VRK3: variants seen among roughly 807,000 people sequenced by gnomAD.
VRK3 encodes VRK serine/threonine kinase 3, also known as serine/threonine-protein kinase VRK3.
A neutral mutation model predicts 60.4 loss-of-function variants in VRK3; 50 were observed. The observed-to-expected ratio is 0.83, with a 90% CI of 0.66 to 1.05. VRK3 has a LOEUF of 1.05. Among genes scored for constraint, VRK3 ranks in the 50% least tolerant of loss-of-function variants. The pLI, the probability that VRK3 is intolerant of heterozygous loss-of-function variation, is 0.00. For synonymous variants in VRK3, 246 were observed against 227.8 expected (o/e 1.08, Z -0.72); for missense variants, 549 against 585.3 (o/e 0.94, Z 0.64).
At chr19:50,021,979 G>A (rs969710814) in intron 1 of VRK3, among the ~76,000 whole-genome samples, 5 of 151,984 alleles carry the variant, frequency 3.3e-5, no homozygotes, top group African/African-American at 9.7e-5. Flanking sequence ...CCTCTTAAGC[G>A]GCGAGCCAGA....
intron 12 of VRK3, among the ~76,000 whole-genome samples, chr19:49,985,495 CA>C (rs760842567): frequency 4.6e-5 from 7 of 152,154 alleles, no homozygotes; most frequent in Non-Finnish European, 1.0e-4. Flanking sequence ...CATGGTCCTT[CA>C]GGGGGCATTT....
chr19:49,988,638 CTCAT>C lies in VRK3; in HGVS notation c.1097-150_1097-147del, dbSNP rs2076559092. 8 of 1,135,512 alleles carry C rather than the reference CTCAT, an allele frequency of 7.0e-6. No individual in the cohort carries two copies. The Admixed American group carries it at 2.4e-4, about 33-fold the overall frequency. The allele number at this position is 1,135,512 out of a possible 1,614,324, so 70.3% of individuals were successfully genotyped here. Reference sequence around the variant, plus strand: ...CCAGCCATATGGGCTGTCTCCTCCGCTCATTCACTTTCATGAGTAGGCAGAAGCT... The same window carrying C: ...CCAGCCATATGGGCTGTCTCCTCCGCTCACTTTCATGAGTAGGCAGAAGCT... On this transcript the variant is annotated intron_variant, in intron 11 of 14. Transcript: ENST00000316763.
rs2076620574 is a variant in VRK3, at chr19:49,992,033, T to G, written c.963+827A>C. On this transcript the variant is annotated intron_variant, in intron 10 of 14. Transcript: ENST00000316763. The stretch of plus-strand genomic sequence containing the variant: ...ATTACAATCAGTGTTGCCAGGAACA[T>G]CTTGTACACTTATCTTTGAACAATC... 2.0e-5 allele frequency among the ~76,000 whole-genome samples: 3 copies of G among 152,258 alleles called. No homozygotes were observed. The South Asian group carries it at 6.2e-4, about 31-fold the overall frequency.
intron 13 of VRK3, among the ~76,000 whole-genome samples, chr19:49,979,970 A>G (rs2076395865): frequency 6.6e-6 from 1 of 152,126 alleles, no homozygotes; most frequent in South Asian, 2.1e-4. Flanking sequence ...GAATGGCTTG[A>G]ACCCGGGAGG....
At chr19:49,982,713 T>C (rs2076444126) in intron 12 of VRK3, among the ~76,000 whole-genome samples, 1 of 152,212 alleles carries the variant, frequency 6.6e-6, no homozygotes. Context: ...AATTCACACA[T>C]ATGGACTCTG....
intron 8 of VRK3, 69 bp downstream of exon 8, chr19:49,995,122 A>G (rs2076678953): frequency 6.5e-7 from 1 of 1,537,322 alleles, no homozygotes; most frequent in African/African-American, 1.4e-5. Flanking sequence ...GGTCCCAGCC[A>G]TGCCTGGAGT....
intron 3 of VRK3, among the ~76,000 whole-genome samples, chr19:50,013,419 A>G (rs946521856): frequency 4.6e-5 from 7 of 152,196 alleles, no homozygotes; most frequent in Non-Finnish European, 1.0e-4. Flanking sequence ...TGCTCTACAT[A>G]CTTGCCAGTG....
At chr19:49,993,827 C>CG (rs757752984) in intron 9 of VRK3, among the ~76,000 whole-genome samples, 2 of 152,154 alleles carry the variant, frequency 1.3e-5, no homozygotes, top group East Asian at 1.9e-4. Context: ...TCTCCACCCC[C>CG]GGGGCCCGGG....
At chr19:50,022,116 T>C (rs1802014784) in intron 1 of VRK3, among the ~76,000 whole-genome samples, 1 of 152,162 alleles carries the variant, frequency 6.6e-6, no homozygotes, top group Non-Finnish European at 1.5e-5. Context: ...TCCACTCACC[T>C]AGAAAACAGT....
intron 4 of VRK3, among the ~76,000 whole-genome samples, chr19:50,008,239 C>T (rs975579093): frequency 3.3e-5 from 5 of 152,090 alleles, no homozygotes; most frequent in African/African-American, 9.7e-5. Flanking sequence ...TAGACATTTA[C>T]CCAAAAACAT....
chr19:49,992,727 T>C (rs1197615311), intron 10 of VRK3, 133 bp downstream of exon 10: 5 of 749,376 alleles, frequency 6.7e-6, no homozygotes, highest in Non-Finnish European at 1.1e-5. Flanking sequence ...CTTATTTATT[T>C]GAAGGAGCTC....
chr19:49,981,238 T>C, intron 12 of VRK3: 1 of 572,740 alleles, frequency 1.7e-6, no homozygotes, highest in South Asian at 2.0e-5. Flanking sequence ...GGCCACACGA[T>C]TTTCCCCGAT....
chr19:50,009,974 G>GATT (rs1441951149), intron 3 of VRK3, among the ~76,000 whole-genome samples: 2 of 151,868 alleles, frequency 1.3e-5, no homozygotes, highest in African/African-American at 2.4e-5. Context: ...CTATCTTCCA[G>GATT]TTAACTAATT....
intron 2 of VRK3, among the ~76,000 whole-genome samples, chr19:50,017,308 C>T (rs2077094541): frequency 6.6e-6 from 1 of 152,042 alleles, no homozygotes; most frequent in Admixed American, 6.6e-5. Flanking sequence ...GGCACGGTGG[C>T]TCGTGCCTGT....
chr19:49,987,685 C>G (rs1024301710), intron 12 of VRK3: 1 of 151,482 alleles, frequency 6.6e-6, no homozygotes, highest in Non-Finnish European at 1.5e-5. Flanking sequence ...GTCATAGTTT[C>G]CCACACACAA....
intron 5 of VRK3, among the ~76,000 whole-genome samples, chr19:50,004,052 A>T (rs1357776035): frequency 6.6e-6 from 1 of 152,206 alleles, no homozygotes; most frequent in African/African-American, 2.4e-5. Context: ...AAATAAATAA[A>T]TAAAGGGACT....
At chr19:50,019,674 C>CTTTTTTTTTTTTTTTTTTTTTTTTTTT (rs568877003) in intron 2 of VRK3, among the ~76,000 whole-genome samples, 1 of 44,976 alleles carries the variant, frequency 2.2e-5, no homozygotes, top group African/African-American at 6.8e-5. Context: ...CATGCCTGGC[C>CTTTTTTTTTTTTTTTTTTTTTTTTTTT]TTTTTTTTTT....
At position 49,979,080 on chromosome 19, in the gene VRK3, C is replaced by T. The variant is rs770883028; in HGVS notation, c.*11+3G>A. Reference sequence around the variant, plus strand: ...AGGCTTAAGCCTCACAAGCTCTTCCCACCTGGATTCCACCTAGGGCACCAT... The same window carrying T: ...AGGCTTAAGCCTCACAAGCTCTTCCTACCTGGATTCCACCTAGGGCACCAT... On this transcript the variant is annotated splice_donor_region_variant and intron_variant, in intron 14 of 14. Coordinates refer to ENST00000316763, the MANE Select transcript of VRK3 (RefSeq NM_016440.4). 6.3e-7 allele frequency: 1 copy of T among 1,595,830 alleles called. No individual in the cohort carries two copies. Among genetic ancestry groups the T allele is most frequent in the South Asian group, 1.1e-5 (1 of 88,780 alleles).
chr19:50,019,225 C>CG (rs2077126954), intron 2 of VRK3: 1 of 147,006 alleles, frequency 6.8e-6, no homozygotes, highest in Non-Finnish European at 1.5e-5. Context: ...TTTTCTGAGA[C>CG]GGAGTCTCGC....
Sources: gnomAD v4.1 joint callset for allele counts (sites outside exome capture counted in the v4.1 genomes callset) on GRCh38, gnomAD v4.1.1 for gene constraint, MANE v1.5 for transcripts, NCBI Gene and HGNC (gene_info 2026-07-23, HGNC 2026-07-21) for gene names.